Variants in DLG2 observed in about 807,000 individuals in gnomAD.
DLG2 encodes discs large MAGUK scaffold protein 2.
In DLG2, 45 loss-of-function variants were observed where a neutral mutation model predicts 132.5. The ratio of observed to expected loss-of-function variants is 0.34; its 90% CI spans 0.27 to 0.44. The LOEUF (loss-of-function observed/expected upper bound fraction) is 0.44. Ranked by LOEUF, DLG2 falls within the 20% of genes least tolerant of loss-of-function variation. The pLI, the probability that DLG2 is intolerant of heterozygous loss-of-function variation, is 1.00. For synonymous variants in DLG2, 424 were observed against 419.6 expected (o/e 1.01, Z -0.13); for missense variants, 1,045 against 1,196.9 (o/e 0.87, Z 1.87).
At chr11:84,817,663 T>A (rs1176011861) in intron 6 of DLG2, among the ~76,000 whole-genome samples, 1 of 152,022 alleles carries the variant, frequency 6.6e-6, no homozygotes, top group Non-Finnish European at 1.5e-5. Flanking sequence ...ATGCATATTA[T>A]GTATTCTCTA....
chr11:84,875,266 T>A (rs989319383), intron 6 of DLG2, among the ~76,000 whole-genome samples: 1 of 152,122 alleles, frequency 6.6e-6, no homozygotes, highest in African/African-American at 2.4e-5. Flanking sequence ...GGCAGTTGGA[T>A]ATATAGGTTA....
At chr11:85,547,134 G>C (rs1317827104) in intron 3 of DLG2, among the ~76,000 whole-genome samples, 3 of 152,108 alleles carry the variant, frequency 2.0e-5, no homozygotes, top group Admixed American at 6.5e-5. Flanking sequence ...TTTTGCAGTG[G>C]TTGATCCTTT....
Position 83,786,077 on chromosome 11 carries a change from C to T in DLG2, c.1825+613G>A, listed in dbSNP as rs1020147770. Among the ~76,000 whole-genome samples the T allele has an allele frequency of 1.2e-4, 19 of 152,220 alleles. No homozygotes were observed. In the South Asian group the frequency reaches 1.5e-3, roughly 12 times the overall value. ...GTCTCATTGAGCCTCATTTTAAACA[C>T]GGAAACAGATGTTTAAATAAACCAA... On this transcript the variant is annotated intron_variant, in intron 18 of 27. Coordinates refer to ENST00000376104, the MANE Select transcript of DLG2 (RefSeq NM_001142699.3).
intron 7 of DLG2, among the ~76,000 whole-genome samples, chr11:84,380,148 C>A: frequency 6.6e-6 from 1 of 151,748 alleles, no homozygotes. Flanking sequence ...ATTTTATGAC[C>A]ATTACTGAAA....
At chr11:83,884,573 G>A (rs568017024) in intron 15 of DLG2, among the ~76,000 whole-genome samples, 1 of 152,300 alleles carries the variant, frequency 6.6e-6, no homozygotes, top group Admixed American at 6.5e-5. Context: ...GTCCCTGTCG[G>A]ACAGCTTTGA....
At chr11:85,186,588 C>A (rs17159864) in intron 4 of DLG2, among the ~76,000 whole-genome samples, 12,738 of 152,018 alleles carry the variant, frequency 0.084, 670 homozygotes, top group African/African-American at 0.14. Context: ...GAACTTTTAA[C>A]AGTTTGTTTA....
chr11:84,062,412 T>C (rs2096605420), intron 10 of DLG2, among the ~76,000 whole-genome samples: 1 of 152,216 alleles, frequency 6.6e-6, no homozygotes, highest in Non-Finnish European at 1.5e-5. Flanking sequence ...TGTGTGGAGA[T>C]GTGTACATTG....
chr11:84,393,537 G>A (rs2098800360), intron 7 of DLG2, among the ~76,000 whole-genome samples: 1 of 152,106 alleles, frequency 6.6e-6, no homozygotes, highest in South Asian at 2.1e-4. Context: ...CACACAAAAT[G>A]TGACTTGCCT....
Position 83,709,765 on chromosome 11 carries a change from TC to T in DLG2, c.1826-76441del, listed in dbSNP as rs375560768. On this transcript the variant is annotated intron_variant, in intron 18 of 27. Transcript: ENST00000376104. ...CAGAACTTGATGTATCTGGAAGTGATCCCCCCCAAGTCATTTGGAAAGTAAC... is the reference window on the plus strand; with the variant it reads ...CAGAACTTGATGTATCTGGAAGTGATCCCCCCAAGTCATTTGGAAAGTAAC... 5.2e-3 allele frequency among the ~76,000 whole-genome samples: 789 copies of T among 152,116 alleles called. 7 individuals carry two copies. Among genetic ancestry groups the T allele is most frequent in the African/African-American group, 0.015 (617 of 41,484 alleles).
intron 14 of DLG2, among the ~76,000 whole-genome samples, chr11:83,936,330 C>T (rs1172541115): frequency 6.6e-6 from 1 of 152,192 alleles, no homozygotes; most frequent in Non-Finnish European, 1.5e-5. Flanking sequence ...TTGATGACCA[C>T]TTTCTCTGTA....
At position 83,923,333 on chromosome 11, in the gene DLG2, G is replaced by C. The variant is rs141626604; in HGVS notation, c.1496+6995C>G. ...GCAATCCTATGAGGGGAACAGCACA[G>C]ATACAATTATTCTTCTCACTTTCTA... On this transcript the variant is annotated intron_variant, in intron 15 of 27. Transcript: ENST00000376104. Among the ~76,000 whole-genome samples the C allele has an allele frequency of 5.6e-3, 858 of 152,252 alleles. 8 individuals carry two copies. Among genetic ancestry groups the C allele is most frequent in the African/African-American group, 0.02 (813 of 41,548 alleles).
At chr11:84,629,558 C>T (rs2099628187) in intron 6 of DLG2, among the ~76,000 whole-genome samples, 1 of 152,202 alleles carries the variant, frequency 6.6e-6, no homozygotes, top group Non-Finnish European at 1.5e-5. Context: ...CATGTGAAAA[C>T]TTTGAAGAGT....
intron 11 of DLG2, among the ~76,000 whole-genome samples, chr11:84,055,582 T>C (rs1370369000): frequency 6.6e-6 from 1 of 152,096 alleles, no homozygotes; most frequent in Non-Finnish European, 1.5e-5. Flanking sequence ...TTTCCTACAC[T>C]ATAGCCATCA....
At chr11:84,857,060 T>C (rs1449678571) in intron 6 of DLG2, among the ~76,000 whole-genome samples, 5 of 150,386 alleles carry the variant, frequency 3.3e-5, no homozygotes, top group African/African-American at 7.3e-5. Flanking sequence ...TTTGAAGCCA[T>C]TGGTAAAATT....
intron 18 of DLG2, among the ~76,000 whole-genome samples, chr11:83,650,096 A>G (rs1173200178): frequency 2.6e-5 from 4 of 152,230 alleles, no homozygotes; most frequent in African/African-American, 9.6e-5. Context: ...ATGCACCCAT[A>G]AGTAGTGCCA....
At chr11:85,447,072 T>A (rs1170683069) in intron 3 of DLG2, among the ~76,000 whole-genome samples, 3 of 152,152 alleles carry the variant, frequency 2.0e-5, no homozygotes, top group Non-Finnish European at 2.9e-5. Context: ...AGAACCATTA[T>A]AAATTAAAGA....
At chr11:84,204,974 G>T (rs2096646903) in intron 8 of DLG2, among the ~76,000 whole-genome samples, 1 of 152,180 alleles carries the variant, frequency 6.6e-6, no homozygotes, top group East Asian at 1.9e-4. Context: ...AAAGTGCTGG[G>T]ATTACAGGCG....
At chr11:85,622,104 AC>A (rs2081749027) in intron 2 of DLG2, among the ~76,000 whole-genome samples, 1 of 152,240 alleles carries the variant, frequency 6.6e-6, no homozygotes, top group South Asian at 2.1e-4. Context: ...CAAAAAGATT[AC>A]TACTCGCTAA....
chr11:83,839,072 T>C (rs1343425506), intron 16 of DLG2, among the ~76,000 whole-genome samples: 2 of 152,212 alleles, frequency 1.3e-5, no homozygotes, highest in Non-Finnish European at 2.9e-5. Flanking sequence ...GGCATTTTGT[T>C]AGTGACCTTT....
Sources: allele counts gnomAD v4.1 joint callset (sites outside exome capture counted in the v4.1 genomes callset), GRCh38; gene constraint gnomAD v4.1.1; transcripts MANE v1.5; gene names NCBI Gene and HGNC (gene_info 2026-07-23, HGNC 2026-07-21).